Variants in FOLH1 observed in about 807,000 individuals in gnomAD.
FOLH1 encodes the protein folate hydrolase 1, also known as glutamate carboxypeptidase 2.
Under a neutral mutation model 93.9 loss-of-function variants are expected in FOLH1, and 54 were observed. The observed-to-expected ratio is 0.57, with a 90% CI of 0.46 to 0.72. FOLH1 has a LOEUF of 0.72. Ranked by LOEUF, FOLH1 falls within the 30% of genes least tolerant of loss-of-function variation. The probability of loss-of-function intolerance (pLI) is 0.00; values close to 1 mark genes in which losing one functional copy is unlikely to be tolerated. For synonymous variants in FOLH1, 249 were observed against 303.6 expected (o/e 0.82, Z 1.87); for missense variants, 571 against 892.5 (o/e 0.64, Z 4.59).
At chr11:49,203,090 A>C (rs1863459832) in intron 2 of FOLH1, among the ~76,000 whole-genome samples, 1 of 152,242 alleles carries the variant, frequency 6.6e-6, no homozygotes, top group Non-Finnish European at 1.5e-5. Context: ...CAAGTGATTA[A>C]TAGATTAAGA....
intron 13 of FOLH1, among the ~76,000 whole-genome samples, chr11:49,161,027 G>A (rs970511482): frequency 6.6e-6 from 1 of 152,112 alleles, no homozygotes; most frequent in Non-Finnish European, 1.5e-5. Flanking sequence ...TGCTTTTGCT[G>A]AGGAGTGTTT....
At chr11:49,170,302 T>A (rs1481781645) in intron 11 of FOLH1, among the ~76,000 whole-genome samples, 1 of 152,152 alleles carries the variant, frequency 6.6e-6, no homozygotes, top group Non-Finnish European at 1.5e-5. Context: ...TCATTATGAA[T>A]TAAGAAAGAT....
intron 3 of FOLH1, among the ~76,000 whole-genome samples, chr11:49,194,060 G>C (rs1328486753): frequency 1.4e-5 from 2 of 145,404 alleles, no homozygotes; most frequent in Non-Finnish European, 3.0e-5. Flanking sequence ...GCTGAGACAG[G>C]AGAATCACTT....
intron 2 of FOLH1, 27 bp from the exon 3 acceptor site, chr11:49,200,468 A>C: frequency 6.2e-7 from 1 of 1,610,036 alleles, no homozygotes; most frequent in Non-Finnish European, 8.5e-7. Context: ...GAAAGTGGTT[A>C]GATATTAATG....
intron 13 of FOLH1, among the ~76,000 whole-genome samples, chr11:49,164,205 C>A (rs991301114): frequency 6.6e-6 from 1 of 152,124 alleles, no homozygotes; most frequent in Non-Finnish European, 1.5e-5. Context: ...TAATCCCTAT[C>A]TGAAAAAATG....
chr11:49,166,140 T>C (rs1177430798), intron 12 of FOLH1, among the ~76,000 whole-genome samples: 1 of 152,208 alleles, frequency 6.6e-6, no homozygotes, highest in Non-Finnish European at 1.5e-5. Flanking sequence ...GTAGTGTTTG[T>C]TTTTTAAGTG....
chr11:49,183,335 T>C (rs1810817781), intron 6 of FOLH1, 93 bp from the exon 7 acceptor site: 2 of 937,692 alleles, frequency 2.1e-6, no homozygotes, highest in South Asian at 3.8e-5. Flanking sequence ...AATTTCACAT[T>C]TGCTAGAATT....
rs1590512383 is a variant in FOLH1 at position 49,168,276 on chromosome 11, G to C, written c.1372+919C>G. Among the ~76,000 whole-genome samples the C allele has an allele frequency of 3.3e-5, 5 of 151,490 alleles. No homozygotes were observed. The East Asian group carries it at 9.6e-4, about 29-fold the overall frequency. On this transcript the variant is annotated intron_variant, in intron 12 of 18. Coordinates refer to ENST00000256999, the MANE Select transcript of FOLH1 (RefSeq NM_004476.3). ...GGATAAGGATTAAACACATAAAGAG[G>C]TGTTGAAGAGCAATCTGAGTGTAGA...
chr11:49,177,840 G>A (rs2135131210), intron 7 of FOLH1, among the ~76,000 whole-genome samples: 1 of 150,880 alleles, frequency 6.6e-6, no homozygotes, highest in South Asian at 2.1e-4. Context: ...GCACATGCCT[G>A]TAATCCCAGC....
At chr11:49,166,875 T>A (rs1342468365) in intron 12 of FOLH1, among the ~76,000 whole-genome samples, 2 of 152,088 alleles carry the variant, frequency 1.3e-5, no homozygotes, top group African/African-American at 2.4e-5. Context: ...TTAAAATACA[T>A]TAAAATATCA....
chr11:49,193,275 T>C (rs867685160), intron 3 of FOLH1, among the ~76,000 whole-genome samples: 6 of 152,200 alleles, frequency 3.9e-5, no homozygotes, highest in African/African-American at 1.4e-4. Context: ...TGTGTACTGA[T>C]AGAAGGAAGA....
At chr11:49,177,604 A>C (rs910294516) in intron 7 of FOLH1, among the ~76,000 whole-genome samples, 1 of 152,046 alleles carries the variant, frequency 6.6e-6, no homozygotes, top group Non-Finnish European at 1.5e-5. Context: ...GCAAACATAG[A>C]TTAGCAAGCT....
rs1170600305 is a variant in FOLH1, at chr11:49,146,666, A to G, written c.*90T>C. ...TAATATTCAACTTTATTTCAAATAT[A>G]CCAATTTTAAAATTTATCAATATAC... On this transcript the variant is annotated 3_prime_UTR_variant, in exon 19 of 19. Coordinates refer to ENST00000256999, the MANE Select transcript of FOLH1 (RefSeq NM_004476.3). 4 of 1,201,640 alleles carry G rather than the reference A, an allele frequency of 3.3e-6. No homozygotes were observed. The highest frequency in any genetic ancestry group is 1.8e-5 in the South Asian group (1 of 55,750). 74.4% of individuals were successfully genotyped at this position (1,201,640 alleles called of 1,614,324 possible).
At chr11:49,197,372 G>C (rs1181670990) in intron 3 of FOLH1, among the ~76,000 whole-genome samples, 2 of 152,146 alleles carry the variant, frequency 1.3e-5, no homozygotes, top group Non-Finnish European at 2.9e-5. Context: ...TTCAGTCTTA[G>C]AGTATTTTTT....
rs1410536278 is a variant in FOLH1, at chr11:49,191,014, G to C, written c.513+1779C>G. On this transcript the variant is annotated intron_variant, in intron 4 of 18. Transcript: ENST00000256999. ...ATGTATTGAGCAGTGAAAAGATTAT[G>C]TATACAAAAACAGGTTGGCCGGGTG... Among the ~76,000 whole-genome samples the C allele has an allele frequency of 8.5e-5, 13 of 152,202 alleles. No homozygotes were observed. In the East Asian group the frequency reaches 2.5e-3, roughly 29 times the overall value.
intron 13 of FOLH1, among the ~76,000 whole-genome samples, chr11:49,163,475 G>A (rs938644924): frequency 4.8e-5 from 7 of 147,116 alleles, no homozygotes; most frequent in African/African-American, 7.5e-5. Flanking sequence ...AAAGATGGCA[G>A]CCCACCCCTC....
At chr11:49,147,673 C>T (rs1014198795) in intron 18 of FOLH1, among the ~76,000 whole-genome samples, 1 of 152,010 alleles carries the variant, frequency 6.6e-6, no homozygotes, top group Non-Finnish European at 1.5e-5. Context: ...CCTGTAATCC[C>T]ATATATTAGG....
chr11:49,153,792 AAT>A (rs1017631643), intron 17 of FOLH1, 52 bp downstream of exon 17: 1,019 of 1,099,084 alleles, frequency 9.3e-4, no homozygotes, highest in South Asian at 1.6e-3. Context: ...TTTACTTTTA[AAT>A]ATATATATAT....
chr11:49,192,668 T>G lies in FOLH1; in HGVS notation c.513+125A>C, dbSNP rs182287346. 1.6e-5 allele frequency: 10 copies of G among 615,874 alleles called. No homozygotes were observed. The Admixed American group carries it at 2.3e-4, about 14-fold the overall frequency. The allele number at this position is 615,874 out of a possible 1,614,324, so 38.2% of individuals were successfully genotyped here. On this transcript the variant is annotated intron_variant, in intron 4 of 18. Coordinates refer to ENST00000256999, the MANE Select transcript of FOLH1 (RefSeq NM_004476.3). ...TTCTTACTAAGACATTCTCATTACT[T>G]AAATGTGGAAAAATGAATTGGATTA...
Sources: allele counts gnomAD v4.1 joint callset (sites outside exome capture counted in the v4.1 genomes callset), GRCh38; gene constraint gnomAD v4.1.1; transcripts MANE v1.5; gene names NCBI Gene and HGNC (gene_info 2026-07-23, HGNC 2026-07-21).